GALNT13: variants seen among roughly 807,000 people sequenced by gnomAD.
The protein encoded by GALNT13 is polypeptide N-acetylgalactosaminyltransferase 13.
GALNT13 carries 28 observed loss-of-function variants against 64.2 expected under a neutral mutation model. That is an observed-to-expected ratio of 0.44 (90% CI 0.32 to 0.60). GALNT13 has a LOEUF of 0.60. GALNT13 is among the 20% of genes least tolerant of loss of function. GALNT13 has a pLI of 0.05. For missense variants in GALNT13, 577 were observed against 669.8 expected (o/e 0.86, Z 1.53); for synonymous variants, 214 against 224.6 (o/e 0.95, Z 0.42).
chr2:153,138,969 T>G, the GALNT13 span, among the ~76,000 whole-genome samples: 15,950 of 152,080 alleles, frequency 0.1, 1,090 homozygotes, highest in East Asian at 0.19. Context: ...TATTTGAGGA[T>G]ATGGAAATTT....
chr2:153,364,218 A>G, the GALNT13 span, among the ~76,000 whole-genome samples: 1 of 152,142 alleles, frequency 6.6e-6, no homozygotes, highest in Non-Finnish European at 1.5e-5. Context: ...TCAATAAACT[A>G]GGTTTGATGG....
At chr2:153,645,493 A>G in the GALNT13 span, among the ~76,000 whole-genome samples, 1 of 152,068 alleles carries the variant, frequency 6.6e-6, no homozygotes, top group East Asian at 1.9e-4. Flanking sequence ...AACATAATAT[A>G]TTTCTTTTGG....
the GALNT13 span, among the ~76,000 whole-genome samples, chr2:153,483,204 C>T: frequency 2.0e-5 from 3 of 151,996 alleles, no homozygotes; most frequent in Admixed American, 1.3e-4. Flanking sequence ...ACCACATAAT[C>T]CAGCAATTCC....
chr2:153,499,468 C>T, the GALNT13 span, among the ~76,000 whole-genome samples: 3 of 152,184 alleles, frequency 2.0e-5, no homozygotes, highest in African/African-American at 7.2e-5. Context: ...TGCTTCAGGC[C>T]GTCACTGGCT....
chr2:154,140,528 A>G, intron 4 of GALNT13, 23 bp downstream of exon 4: 2 of 1,496,586 alleles, frequency 1.3e-6, no homozygotes, highest in Non-Finnish European at 1.8e-6. Context: ...TTGTTATATA[A>G]TCTTTTATAT....
the GALNT13 span, among the ~76,000 whole-genome samples, chr2:153,311,954 C>T: frequency 0.11 from 16,389 of 152,226 alleles, 1,072 homozygotes; most frequent in East Asian, 0.2. Context: ...GAATGACAAT[C>T]AGTTGATAAA....
chr2:154,020,697 T>A lies in GALNT13; in HGVS notation c.142+76058T>A, dbSNP rs36195276. Among the ~76,000 whole-genome samples, 715 of 149,118 alleles carry A rather than the reference T, an allele frequency of 4.8e-3. 11 individuals are homozygous for A. The highest frequency in any genetic ancestry group is 0.017 in the African/African-American group (688 of 40,970). On this transcript the variant is annotated intron_variant, in intron 3 of 12. Coordinates refer to ENST00000392825, the MANE Select transcript of GALNT13 (RefSeq NM_052917.4). Reference sequence around the variant, plus strand: ...TTTCTTTTGCTGTGCAGAAGCTCTTTAGTTTAATTAGATCCCATTTGTCAA... The same window carrying A: ...TTTCTTTTGCTGTGCAGAAGCTCTTAAGTTTAATTAGATCCCATTTGTCAA...
chr2:153,535,516 G>C, the GALNT13 span, among the ~76,000 whole-genome samples: 1 of 152,172 alleles, frequency 6.6e-6, no homozygotes, highest in African/African-American at 2.4e-5. Flanking sequence ...AGATAGTAGG[G>C]ATGACAAGTT....
intron 9 of GALNT13, among the ~76,000 whole-genome samples, chr2:154,330,852 A>G (rs936578147): frequency 1.3e-5 from 2 of 152,166 alleles, no homozygotes; most frequent in Non-Finnish European, 2.9e-5. Context: ...CCTTCCTCAC[A>G]TTAATAAGTT....
intron 4 of GALNT13, among the ~76,000 whole-genome samples, chr2:154,219,473 A>G (rs915959829): frequency 1.3e-5 from 2 of 152,098 alleles, no homozygotes; most frequent in African/African-American, 4.8e-5. Flanking sequence ...ATGTACATGT[A>G]AATCTTTCTA....
chr2:153,734,505 G>T, the GALNT13 span, among the ~76,000 whole-genome samples: 4 of 152,134 alleles, frequency 2.6e-5, no homozygotes, highest in African/African-American at 4.8e-5. Flanking sequence ...TACAGAAGCA[G>T]CCTTCTTAAA....
At chr2:154,153,878 G>A (rs924104302) in intron 4 of GALNT13, among the ~76,000 whole-genome samples, 29 of 152,188 alleles carry the variant, frequency 1.9e-4, no homozygotes, top group Non-Finnish European at 3.2e-4. Flanking sequence ...GACCCCTTGC[G>A]CTTCCCGAGT....
chr2:154,245,872 T>C lies in GALNT13; in HGVS notation c.747T>C (p.Ala249=). ...GTGATGATACTTTTGAATATATGGC[T>C]GGGTCAGACATGACTTATGGGGGTT... ...VISDDTFEYM[A]GSDMTYGGFN... is the part of the protein sequence containing the mutation. The change falls in exon 7 of 13, where the codon GCT becomes GCC. Residue 249 remains alanine, a synonymous_variant. Transcript: ENST00000392825. 2 of 1,613,000 alleles carry C rather than the reference T, an allele frequency of 1.2e-6. No individual in the cohort carries two copies. Among genetic ancestry groups the C allele is most frequent in the Non-Finnish European group, 1.7e-6 (2 of 1,179,164 alleles).
chr2:153,553,002 A>G, the GALNT13 span, among the ~76,000 whole-genome samples: 32 of 152,280 alleles, frequency 2.1e-4, 1 homozygote, highest in Middle Eastern at 6.8e-3. Flanking sequence ...CTAACAGACC[A>G]CAGACTGGTA....
chr2:153,717,394 T>C, the GALNT13 span, among the ~76,000 whole-genome samples: 4 of 152,206 alleles, frequency 2.6e-5, no homozygotes, highest in Admixed American at 1.3e-4. Flanking sequence ...TTTAAGCATC[T>C]ATTGAGGAAA....
intron 3 of GALNT13, among the ~76,000 whole-genome samples, chr2:154,089,847 A>G (rs1481679308): frequency 7.3e-6 from 1 of 137,516 alleles, no homozygotes; most frequent in African/African-American, 2.8e-5. Flanking sequence ...TTCACCACTT[A>G]TGGTTGTTTT....
chr2:154,356,981 G>T lies in GALNT13; in HGVS notation c.1157-39010G>T, dbSNP rs144468997. 2.1e-3 allele frequency among the ~76,000 whole-genome samples: 314 copies of T among 152,010 alleles called. 1 individual carries two copies. The highest frequency in any genetic ancestry group is 7.3e-3 in the African/African-American group (301 of 41,502). ...TAAATATAGATATTTGATAATACCTGTTTTTATTAACCTGAAGATTGATTG... is the reference window on the plus strand; with the variant it reads ...TAAATATAGATATTTGATAATACCTTTTTTTATTAACCTGAAGATTGATTG... On this transcript the variant is annotated intron_variant, in intron 9 of 12. Transcript: ENST00000392825.
the GALNT13 span, among the ~76,000 whole-genome samples, chr2:153,519,359 A>G: frequency 1.3e-5 from 2 of 152,224 alleles, no homozygotes; most frequent in African/African-American, 4.8e-5. Flanking sequence ...ACAGCATGCC[A>G]TAACACACCA....
At chr2:154,277,603 A>G (rs1691721089) in intron 8 of GALNT13, among the ~76,000 whole-genome samples, 1 of 152,150 alleles carries the variant, frequency 6.6e-6, no homozygotes, top group Non-Finnish European at 1.5e-5. Flanking sequence ...TCTAGATACT[A>G]GGACTGACTC....
Sources: allele counts gnomAD v4.1 joint callset (sites outside exome capture counted in the v4.1 genomes callset), GRCh38; gene constraint gnomAD v4.1.1; transcripts MANE v1.5; gene names NCBI Gene and HGNC (gene_info 2026-07-23, HGNC 2026-07-21).